The following RNF128 variants were observed in gnomAD, a reference collection of about 807,000 sequenced individuals.
RNF128 encodes the protein ring finger protein 128.
Under a neutral mutation model 26.2 loss-of-function variants are expected in RNF128, and 13 were observed. The observed-to-expected ratio is 0.50, with a 90% CI of 0.32 to 0.79. RNF128 has a LOEUF of 0.79. Among genes scored for constraint, RNF128 ranks in the 30% least tolerant of loss-of-function variants. The pLI, the probability that RNF128 is intolerant of heterozygous loss-of-function variation, is 0.03. For missense variants in RNF128, 315 were observed against 349.7 expected, an observed-to-expected ratio of 0.90 and a Z score of 0.79; for synonymous variants, 149 against 142.5, an observed-to-expected ratio of 1.05 and a Z score of -0.32.
chrX:106,775,134 TA>T (rs891235078), intron 2 of RNF128, among the ~76,000 whole-genome samples: 34 of 112,242 alleles, frequency 3.0e-4, no homozygotes, highest in African/African-American at 1.1e-3. Context: ...AAAAGATGTT[TA>T]AAATTCCTGT....
chrX:106,697,864 T>A (rs1327537232), intron 1 of RNF128, among the ~76,000 whole-genome samples: 1 of 109,864 alleles, frequency 9.1e-6, no homozygotes. Context: ...AATTTGCTCT[T>A]GGAGTTCTCC....
upstream of RNF128, among the ~76,000 whole-genome samples, chrX:106,725,935 G>A (rs1371638398): frequency 8.8e-6 from 1 of 113,436 alleles, no homozygotes; most frequent in Non-Finnish European, 1.9e-5. Flanking sequence ...TGCCATGAGT[G>A]AATCGCCTAG....
chrX:106,727,442 G>A (rs775111922), intron 1 of RNF128, 45 bp downstream of exon 1: 4 of 1,192,045 alleles, frequency 3.4e-6, no homozygotes, highest in Non-Finnish European at 3.4e-6. Flanking sequence ...CTCTGCCATG[G>A]CCAGTTTCTC....
chrX:106,729,479 A>G (rs2147669207), intron 1 of RNF128, among the ~76,000 whole-genome samples: 1 of 111,381 alleles, frequency 9.0e-6, no homozygotes, highest in Non-Finnish European at 1.9e-5. Flanking sequence ...AACAGGATGC[A>G]AAAAAATAAT....
At chrX:106,725,171 T>C, upstream of RNF128, among the ~76,000 whole-genome samples, 1 of 111,959 alleles carries the variant, frequency 8.9e-6, no homozygotes, top group Middle Eastern at 4.6e-3. Context: ...TACCCATTTT[T>C]CCCCTAGGTA....
chrX:106,704,198 G>A (rs1417643961), intron 1 of RNF128, among the ~76,000 whole-genome samples: 3 of 109,915 alleles, frequency 2.7e-5, no homozygotes, highest in Non-Finnish European at 1.9e-5. Flanking sequence ...CACTTTGGGG[G>A]GCCAAGAAGG....
rs185533963 is a variant in RNF128, at chrX:106,786,204, G to A, written c.804+1068G>A. Among the ~76,000 whole-genome samples, 284 of 111,697 alleles carry A rather than the reference G, an allele frequency of 2.5e-3. 1 individual carries two copies. Among genetic ancestry groups the A allele is most frequent in the African/African-American group, 7.8e-3 (240 of 30,853 alleles). ...AAGTCACAGCAGTCAAGATAGTGTC[G>A]TATTGGAAAAAGGATAGATTTATAG... On this transcript the variant is annotated intron_variant, in intron 3 of 6. Coordinates refer to ENST00000255499, the MANE Select transcript of RNF128 (RefSeq NM_194463.2).
At chrX:106,744,037 G>A (rs1398633885) in intron 1 of RNF128, among the ~76,000 whole-genome samples, 1 of 109,316 alleles carries the variant, frequency 9.1e-6, no homozygotes, top group East Asian at 2.9e-4. Flanking sequence ...CTCACTCATA[G>A]GTGGGAATTG....
At chrX:106,757,694 C>A (rs1469298631) in intron 1 of RNF128, among the ~76,000 whole-genome samples, 3 of 104,405 alleles carry the variant, frequency 2.9e-5, no homozygotes, top group East Asian at 6.1e-4. Flanking sequence ...TGTAACTAAC[C>A]TGCACAATGT....
rs1930784457 is a variant in RNF128, at chrX:106,789,634, C to A, written c.888-552C>A. On this transcript the variant is annotated intron_variant, in intron 4 of 6. Coordinates refer to ENST00000255499, the MANE Select transcript of RNF128 (RefSeq NM_194463.2). The stretch of plus-strand genomic sequence containing the variant: ...GTACTGGATTAATGTTAAATTTATT[C>A]TAATCCATCAAGAAAAAAATAAAAT... Among the ~76,000 whole-genome samples, 5 of 104,850 alleles carry A rather than the reference C, an allele frequency of 4.8e-5. 1 individual carries two copies. Among genetic ancestry groups the A allele is most frequent in the Admixed American group, 4.3e-4 (4 of 9,295 alleles). 91.0% of individuals were successfully genotyped at this position (104,850 alleles called of 115,157 possible).
At chrX:106,743,041 C>G (rs1352226002) in intron 1 of RNF128, among the ~76,000 whole-genome samples, 1 of 110,816 alleles carries the variant, frequency 9.0e-6, no homozygotes, top group Non-Finnish European at 1.9e-5. Context: ...GAAGGAAAAG[C>G]ACTTGTATGA....
chrX:106,728,407 T>G (rs1929446675), intron 1 of RNF128, among the ~76,000 whole-genome samples: 1 of 111,901 alleles, frequency 8.9e-6, no homozygotes, highest in South Asian at 3.7e-4. Flanking sequence ...CTCTCATCAG[T>G]CAAATGAGAA....
intron 2 of RNF128, among the ~76,000 whole-genome samples, chrX:106,779,727 G>T (rs1055613800): frequency 4.5e-5 from 5 of 110,850 alleles, no homozygotes; most frequent in African/African-American, 1.6e-4. Flanking sequence ...TCATGAGAGT[G>T]GTCTGCACTC....
chrX:106,699,323 C>A (rs1928917497), intron 1 of RNF128, among the ~76,000 whole-genome samples: 1 of 112,365 alleles, frequency 8.9e-6, no homozygotes, highest in African/African-American at 3.2e-5. Context: ...CATTACCATG[C>A]CTCAGCGACT....
At chrX:106,785,296 A>G (rs1176877739) in intron 3 of RNF128, among the ~76,000 whole-genome samples, 160 bp downstream of exon 3, 1 of 112,044 alleles carries the variant, frequency 8.9e-6, no homozygotes, top group African/African-American at 3.2e-5. Context: ...ATGGCCTCCC[A>G]AAGATATCTA....
chrX:106,772,693 C>G (rs1333652752), intron 1 of RNF128, among the ~76,000 whole-genome samples: 1 of 110,829 alleles, frequency 9.0e-6, no homozygotes, highest in Non-Finnish European at 1.9e-5. Flanking sequence ...TAATAGCTTC[C>G]TTACTAAGTT....
intron 5 of RNF128, among the ~76,000 whole-genome samples, chrX:106,790,748 T>C (rs1432119080): frequency 1.8e-5 from 2 of 110,908 alleles, no homozygotes; most frequent in African/African-American, 6.5e-5. Context: ...GATTCTCAAG[T>C]TCCATAGGGG....
At chrX:106,698,222 T>C (rs1449184565) in intron 1 of RNF128, among the ~76,000 whole-genome samples, 1 of 107,943 alleles carries the variant, frequency 9.3e-6, no homozygotes, top group Non-Finnish European at 1.9e-5. Flanking sequence ...TATTTTTAGG[T>C]AAAATGTCTT....
intron 2 of RNF128, among the ~76,000 whole-genome samples, 194 bp from the exon 3 acceptor site, chrX:106,784,871 T>C (rs1930626774): frequency 8.9e-6 from 1 of 111,739 alleles, no homozygotes; most frequent in African/African-American, 3.2e-5. Flanking sequence ...AAGTAAAAAG[T>C]CTCAGTAACT....
Sources: allele counts gnomAD v4.1 joint callset (sites outside exome capture counted in the v4.1 genomes callset), GRCh38; gene constraint gnomAD v4.1.1; transcripts MANE v1.5; gene names NCBI Gene and HGNC (gene_info 2026-07-23, HGNC 2026-07-21).